The following DGKH variants were observed in gnomAD, a reference collection of about 807,000 sequenced individuals.
DGKH encodes the protein diacylglycerol kinase eta.
Under a neutral mutation model 159.3 loss-of-function variants are expected in DGKH, and 90 were observed. The ratio of observed to expected loss-of-function variants is 0.57; its 90% CI spans 0.48 to 0.67. DGKH has a LOEUF of 0.67. DGKH is among the 30% of genes least tolerant of loss of function. The pLI, the probability that DGKH is intolerant of heterozygous loss-of-function variation, is 0.00. For missense variants in DGKH, 1,181 were observed against 1,506.1 expected, an observed-to-expected ratio of 0.78 and a Z score of 3.57; for synonymous variants, 536 against 553.8, an observed-to-expected ratio of 0.97 and a Z score of 0.45.
intron 1 of DGKH, among the ~76,000 whole-genome samples, chr13:42,059,905 C>CTTTTTT (rs11357293): frequency 7.2e-6 from 1 of 139,816 alleles, no homozygotes. Flanking sequence ...TCTCTTTTTT[C>CTTTTTT]TTTTTTTTTT....
chr13:42,040,388 C>A (rs1035157144), intron 1 of DGKH, among the ~76,000 whole-genome samples: 2 of 152,068 alleles, frequency 1.3e-5, no homozygotes, highest in African/African-American at 4.8e-5. Context: ...CCGCTCCTTT[C>A]CGCGCGGCCG....
intron 1 of DGKH, among the ~76,000 whole-genome samples, chr13:42,120,573 T>G (rs1382838850): frequency 1.3e-5 from 2 of 152,188 alleles, no homozygotes; most frequent in South Asian, 4.1e-4. Flanking sequence ...TCAAATGGTA[T>G]AGGAGACCAT....
In DGKH at chr13:42,166,692, A is replaced by T. The variant is rs765379908; in HGVS notation, c.1118+18A>T. 2 of 1,558,874 alleles carry T rather than the reference A, an allele frequency of 1.3e-6. No individual in the cohort carries two copies. The highest frequency in any genetic ancestry group is 1.7e-6 in the Non-Finnish European group (2 of 1,155,284). ...CATTTAGGGTAACTGATTATTGATA[A>T]ATCTTATTTGAATACAATGTAGGAC... On this transcript the variant is annotated intron_variant, in intron 9 of 29. Coordinates refer to ENST00000337343, the MANE Select transcript of DGKH (RefSeq NM_178009.5).
chr13:42,060,155 C>G (rs1339502816), intron 1 of DGKH, among the ~76,000 whole-genome samples: 1 of 120,248 alleles, frequency 8.3e-6, no homozygotes, highest in Non-Finnish European at 1.9e-5. Flanking sequence ...ATCCACCGGC[C>G]TCGGCCTCCC....
chr13:42,116,665 T>G (rs377650253), intron 1 of DGKH, among the ~76,000 whole-genome samples: 27 of 152,372 alleles, frequency 1.8e-4, no homozygotes, highest in African/African-American at 6.3e-4. Context: ...AGTTGCATTC[T>G]CCTTGGGGCA....
In DGKH at chr13:42,134,120, T is replaced by TGCGCTTTGCCTGAAAACCC. The variant is rs1955349235; in HGVS notation, c.384+4489_384+4490insCGCTTTGCCTGAAAACCCG. Among the ~76,000 whole-genome samples, 4 of 152,340 alleles carry TGCGCTTTGCCTGAAAACCC rather than the reference T, an allele frequency of 2.6e-5. No homozygotes were observed. In the South Asian group the frequency reaches 8.3e-4, roughly 32 times the overall value. On this transcript the variant is annotated intron_variant, in intron 3 of 29. Coordinates refer to ENST00000337343, the MANE Select transcript of DGKH (RefSeq NM_178009.5). ...AACGGTAAATGGAAAATGGAAAACC[T>TGCGCTTTGCCTGAAAACCC]GTGCTTTGCCTGAAAACCCAGTGCT...
At chr13:42,199,983 C>G (rs1957308784) in intron 20 of DGKH, 74 bp downstream of exon 20, 3 of 1,275,368 alleles carry the variant, frequency 2.4e-6, no homozygotes, top group Non-Finnish European at 3.2e-6. Context: ...GCTAATTTGA[C>G]CTAAATGCGT....
chr13:42,151,613 A>ACCCCCCC (rs140696226), intron 3 of DGKH, among the ~76,000 whole-genome samples: 1 of 111,934 alleles, frequency 8.9e-6, no homozygotes, highest in African/African-American at 3.2e-5. Flanking sequence ...ACACACACAC[A>ACCCCCCC]CCCCATGGAA....
chr13:42,215,696 G>A (rs1212198283), intron 26 of DGKH, 29 bp downstream of exon 26: 1 of 1,569,382 alleles, frequency 6.4e-7, no homozygotes, highest in Non-Finnish European at 8.7e-7. Context: ...GGTAACATAA[G>A]AATGATGAAT....
chr13:42,174,553 T>C (rs1285915152), intron 12 of DGKH, among the ~76,000 whole-genome samples: 1 of 152,252 alleles, frequency 6.6e-6, no homozygotes, highest in African/African-American at 2.4e-5. Context: ...AGCTGGTGTT[T>C]CCTGTTAGTG....
intron 1 of DGKH, among the ~76,000 whole-genome samples, chr13:42,116,444 T>G (rs998522161): frequency 2.0e-5 from 3 of 152,226 alleles, no homozygotes; most frequent in African/African-American, 4.8e-5. Context: ...GGGACATGAC[T>G]GGTAGAAGCT....
chr13:42,050,749 G>A (rs1400893978), intron 1 of DGKH, among the ~76,000 whole-genome samples: 1 of 152,116 alleles, frequency 6.6e-6, no homozygotes, highest in Non-Finnish European at 1.5e-5. Flanking sequence ...CTGCACTTTG[G>A]GAGAACAAGG....
At chr13:42,123,024 C>T (rs1403916339) in intron 1 of DGKH, among the ~76,000 whole-genome samples, 1 of 152,172 alleles carries the variant, frequency 6.6e-6, no homozygotes, top group African/African-American at 2.4e-5. Flanking sequence ...ATGTGACTAA[C>T]TTTAGAAAAG....
Position 42,187,108 on chromosome 13 carries a change from C to T in DGKH, c.1598C>T (p.Thr533Ile). ...AAAGTAGAAAAGACGTATGACAAAA[C>T]CTTGGAAAATGCCGTTGTAGCTGAT... ...VAKVEKTYDKTLENAVVADAV... is the reference protein window; with the variant it reads ...VAKVEKTYDKILENAVVADAV... Residue 533 changes from threonine (T) to isoleucine (I), a missense_variant, in exon 14 of 30, where the codon ACC (threonine) becomes ATC (isoleucine). By Grantham distance (89) the Thr-to-Ile change is moderately conservative (BLOSUM62 -1). Around this residue, in one of 5 missense-constraint regions of DGKH, gnomAD observed 257 missense variants for 281.5 expected, o/e 0.91. Transcript: ENST00000337343. The T allele has an allele frequency of 6.2e-7, 1 of 1,614,076 alleles. No individual in the cohort carries two copies. The highest frequency in any genetic ancestry group is 8.5e-7 in the Non-Finnish European group (1 of 1,179,992).
intron 3 of DGKH, among the ~76,000 whole-genome samples, chr13:42,133,458 C>T (rs1281802225): frequency 6.6e-6 from 1 of 151,960 alleles, no homozygotes; most frequent in Non-Finnish European, 1.5e-5. Flanking sequence ...TTTTGGGAGG[C>T]TGGTGGTAGG....
chr13:42,245,448 A>C (rs944521670), downstream of DGKH, among the ~76,000 whole-genome samples: 1 of 152,224 alleles, frequency 6.6e-6, no homozygotes. Flanking sequence ...TCTTTCACCT[A>C]TAGATTGAAT....
intron 1 of DGKH, among the ~76,000 whole-genome samples, chr13:42,099,140 G>A (rs1954604644): frequency 6.6e-6 from 1 of 152,150 alleles, no homozygotes; most frequent in South Asian, 2.1e-4. Flanking sequence ...CATAGAGTCA[G>A]GTTTGCGAGT....
intron 9 of DGKH, among the ~76,000 whole-genome samples, chr13:42,168,199 T>A (rs1010987904): frequency 5.9e-5 from 9 of 152,170 alleles, no homozygotes; most frequent in Non-Finnish European, 1.2e-4. Context: ...TGTTTTCTCA[T>A]TTCTCACCCC....
chr13:42,245,181 C>A, downstream of DGKH, among the ~76,000 whole-genome samples: 1 of 152,140 alleles, frequency 6.6e-6, no homozygotes, highest in East Asian at 1.9e-4. Context: ...ACAGCAAAAA[C>A]TGATTATCTA....
Sources: allele counts gnomAD v4.1 joint callset (sites outside exome capture counted in the v4.1 genomes callset), GRCh38; gene constraint gnomAD v4.1.1; regional missense constraint gnomAD v4.1.1; transcripts MANE v1.5; gene names NCBI Gene and HGNC (gene_info 2026-07-23, HGNC 2026-07-21).